Variants in KCNIP4 observed in about 807,000 individuals in gnomAD.
The protein encoded by KCNIP4 is potassium voltage-gated channel interacting protein 4, also known as Kv channel-interacting protein 4.
A neutral mutation model predicts 34.0 loss-of-function variants in KCNIP4; 12 were observed. That is an observed-to-expected ratio of 0.35 (90% CI 0.23 to 0.57). KCNIP4 has a LOEUF of 0.57. KCNIP4 is among the 20% of genes least tolerant of loss of function. The pLI is 0.83. For missense variants in KCNIP4, 238 were observed against 311.7 expected (o/e 0.76, Z 1.78); for synonymous variants, 124 against 102.2 (o/e 1.21, Z -1.29).
intron 1 of KCNIP4, among the ~76,000 whole-genome samples, chr4:21,132,922 A>G (rs1751193121): frequency 6.6e-6 from 1 of 151,166 alleles, no homozygotes. Context: ...CTGAGGCAGG[A>G]GAATTGCTTG....
rs1408851897 is a variant in KCNIP4 at position 21,234,351 on chromosome 4, T to C, written c.62-351642A>G. Among the ~76,000 whole-genome samples, 31 of 101,722 alleles carry C rather than the reference T, an allele frequency of 3.0e-4. 3 individuals carry two copies. Among genetic ancestry groups the C allele is most frequent in the Non-Finnish European group, 4.1e-4 (22 of 53,144 alleles). The allele number at this position is 101,722 out of a possible 152,430, so 66.7% of individuals were successfully genotyped here. A position where few individuals can be genotyped will look rare whatever the true frequency, so the allele number is the denominator to read the frequency against. On this transcript the variant is annotated intron_variant, in intron 1 of 8. Coordinates refer to ENST00000382152, the MANE Select transcript of KCNIP4 (RefSeq NM_025221.6). Reference sequence around the variant, plus strand: ...TATAAATTATATATAACATACATTATATATAACATATATAATATATAACAT... The same window carrying C: ...TATAAATTATATATAACATACATTACATATAACATATATAATATATAACAT...
intron 1 of KCNIP4, among the ~76,000 whole-genome samples, chr4:21,044,565 C>A (rs1046139369): frequency 1.3e-5 from 2 of 152,300 alleles, no homozygotes; most frequent in South Asian, 4.1e-4. Context: ...CCGCCTTGGC[C>A]TCCCAAAGTT....
At chr4:20,778,901 A>C (rs1292556931) in intron 3 of KCNIP4, among the ~76,000 whole-genome samples, 1 of 152,084 alleles carries the variant, frequency 6.6e-6, no homozygotes, top group Non-Finnish European at 1.5e-5. Context: ...GCTGATTTGG[A>C]ATGAGTATGT....
chr4:21,150,180 A>G (rs1039325167), intron 1 of KCNIP4, among the ~76,000 whole-genome samples: 1 of 152,150 alleles, frequency 6.6e-6, no homozygotes, highest in Non-Finnish European at 1.5e-5. Flanking sequence ...CAGGGATTGG[A>G]GCCAATCTTC....
intron 1 of KCNIP4, among the ~76,000 whole-genome samples, chr4:21,623,289 C>T (rs12508153): frequency 0.28 from 41,813 of 151,990 alleles, 6,015 homozygotes; most frequent in Non-Finnish European, 0.32. Context: ...CAGCTAGTGA[C>T]TGGTATCATG....
intron 1 of KCNIP4, among the ~76,000 whole-genome samples, chr4:21,191,937 G>T (rs888377784): frequency 6.6e-6 from 1 of 152,118 alleles, no homozygotes; most frequent in Non-Finnish European, 1.5e-5. Flanking sequence ...CCTGAACCAT[G>T]ATCAATCTGT....
intron 4 of KCNIP4, among the ~76,000 whole-genome samples, chr4:20,753,267 A>G (rs903215213): frequency 1.3e-5 from 2 of 152,202 alleles, no homozygotes; most frequent in East Asian, 1.9e-4. Flanking sequence ...AGATATTCCT[A>G]TACCATCTCT....
At chr4:21,625,249 A>G (rs1053360091) in intron 1 of KCNIP4, among the ~76,000 whole-genome samples, 4 of 152,162 alleles carry the variant, frequency 2.6e-5, no homozygotes, top group African/African-American at 4.8e-5. Context: ...TAAAATACAG[A>G]TAACAATTGT....
intron 1 of KCNIP4, among the ~76,000 whole-genome samples, chr4:20,886,094 A>C (rs1028431113): frequency 7.2e-5 from 11 of 152,242 alleles, no homozygotes; most frequent in South Asian, 4.1e-4. Context: ...GGAAGATGGA[A>C]GATGTCTACT....
At chr4:20,993,204 C>G (rs1444901235) in intron 1 of KCNIP4, among the ~76,000 whole-genome samples, 1 of 152,014 alleles carries the variant, frequency 6.6e-6, no homozygotes, top group Non-Finnish European at 1.5e-5. Context: ...TAGTCCAGTT[C>G]TCTTTCCACT....
In KCNIP4 at chr4:21,510,153, T is replaced by G. The variant is rs145409594; in HGVS notation, c.61+438418A>C. Among the ~76,000 whole-genome samples the G allele has an allele frequency of 2.1e-4, 32 of 152,172 alleles. No individual in the cohort carries two copies. In the East Asian group the frequency reaches 5.2e-3, roughly 25 times the overall value. ...AATTGCAGCATTAAACTATTTGATT[T>G]TATTTTCCTATTGAAATGATGTTAA... On this transcript the variant is annotated intron_variant, in intron 1 of 8. Coordinates refer to ENST00000382152, the MANE Select transcript of KCNIP4 (RefSeq NM_025221.6).
At chr4:21,876,059 A>G (rs1726091071) in intron 1 of KCNIP4, among the ~76,000 whole-genome samples, 1 of 152,164 alleles carries the variant, frequency 6.6e-6, no homozygotes, top group African/African-American at 2.4e-5. Flanking sequence ...TTCTCAAAAC[A>G]ATGCTTTCCA....
intron 1 of KCNIP4, among the ~76,000 whole-genome samples, chr4:20,892,697 T>C (rs1560547829): frequency 6.6e-6 from 1 of 152,214 alleles, no homozygotes; most frequent in Non-Finnish European, 1.5e-5. Flanking sequence ...TTATTGCATG[T>C]TATCTGAGGC....
At chr4:20,905,816 G>T (rs777541488) in intron 1 of KCNIP4, among the ~76,000 whole-genome samples, 4 of 151,752 alleles carry the variant, frequency 2.6e-5, no homozygotes, top group Admixed American at 6.6e-5. Flanking sequence ...CACCATCCCT[G>T]GCCTAGTAGT....
intron 1 of KCNIP4, among the ~76,000 whole-genome samples, chr4:21,394,082 G>T (rs2109525499): frequency 6.6e-6 from 1 of 152,176 alleles, no homozygotes; most frequent in South Asian, 2.1e-4. Flanking sequence ...AATCTACTGT[G>T]CAGTCTTTAG....
chr4:21,460,106 C>G (rs897712525), intron 1 of KCNIP4, among the ~76,000 whole-genome samples: 3 of 149,378 alleles, frequency 2.0e-5, no homozygotes, highest in South Asian at 2.2e-4. Flanking sequence ...GCCCCCCGCC[C>G]CCCATCTCTT....
At chr4:21,330,658 G>C (rs28497842) in intron 1 of KCNIP4, among the ~76,000 whole-genome samples, 3,628 of 152,138 alleles carry the variant, frequency 0.024, 144 homozygotes, top group African/African-American at 0.073. Flanking sequence ...CCGCATGAAT[G>C]GTTTTCAACA....
intron 1 of KCNIP4, among the ~76,000 whole-genome samples, chr4:21,166,204 A>C (rs1411138727): frequency 1.3e-5 from 2 of 152,214 alleles, no homozygotes; most frequent in Non-Finnish European, 2.9e-5. Flanking sequence ...AAGTGCTCTC[A>C]AAACTGAATA....
Position 21,014,536 on chromosome 4 carries a change from T to C in KCNIP4, c.62-131827A>G, listed in dbSNP as rs150140571. Among the ~76,000 whole-genome samples, 17 of 152,392 alleles carry C rather than the reference T, an allele frequency of 1.1e-4. No homozygotes were observed. In the East Asian group the frequency reaches 2.9e-3, roughly 26 times the overall value. ...AACATTCAAAATCACATGTCTTTTA[T>C]TATGGAAATGCAAATCAAATCACAT... On this transcript the variant is annotated intron_variant, in intron 1 of 8. Coordinates refer to ENST00000382152, the MANE Select transcript of KCNIP4 (RefSeq NM_025221.6).
Sources: gnomAD v4.1 joint callset for allele counts (sites outside exome capture counted in the v4.1 genomes callset) on GRCh38, gnomAD v4.1.1 for gene constraint, MANE v1.5 for transcripts, NCBI Gene and HGNC (gene_info 2026-07-23, HGNC 2026-07-21) for gene names.